Variants in FBXO10 observed in about 807,000 individuals in gnomAD.
FBXO10 encodes F-box protein 10, also known as F-box only protein 10.
Under a neutral mutation model 80.7 loss-of-function variants are expected in FBXO10, and 39 were observed. The observed-to-expected ratio is 0.48, with a 90% CI of 0.37 to 0.63. The LOEUF (loss-of-function observed/expected upper bound fraction) is 0.63. Ranked by LOEUF, FBXO10 falls within the 30% of genes least tolerant of loss-of-function variation. FBXO10 has a pLI of 0.00. For missense variants in FBXO10, 1,025 were observed against 1,269.0 expected (o/e 0.81, Z 2.92); for synonymous variants, 449 against 489.6 (o/e 0.92, Z 1.09).
At chr9:37,518,996 G>A (rs545802934) in intron 8 of FBXO10, among the ~76,000 whole-genome samples, 5 of 150,230 alleles carry the variant, frequency 3.3e-5, no homozygotes, top group African/African-American at 7.4e-5. Context: ...TACAAGCTCC[G>A]CCTCCCGGGT....
At position 37,518,075 on chromosome 9, in the gene FBXO10, G is replaced by A. The variant is rs745869979; in HGVS notation, c.2514+50C>T. The A allele has an allele frequency of 1.9e-6, 3 of 1,555,132 alleles. No individual in the cohort carries two copies. In the South Asian group the frequency reaches 3.7e-5, roughly 19 times the overall value. On this transcript the variant is annotated intron_variant, in intron 9 of 10. Coordinates refer to ENST00000432825, the MANE Select transcript of FBXO10 (RefSeq NM_012166.3). Reference sequence around the variant, plus strand: ...CAGAGGCCACGAGGACTATCCCAGGGTTGTGCCCTGTGTGGGCACCACACG... The same window carrying A: ...CAGAGGCCACGAGGACTATCCCAGGATTGTGCCCTGTGTGGGCACCACACG...
chr9:37,537,788 T>C lies in FBXO10; in HGVS notation c.741A>G (p.Glu247=), dbSNP rs374666804. Residue 247 remains glutamate (E), a synonymous_variant, in exon 3 of 11, where the codon GAA becomes GAG. Coordinates refer to ENST00000432825, the MANE Select transcript of FBXO10 (RefSeq NM_012166.3). The part of the protein sequence containing the change: ...NVPLCVLENC[E]FVGSENNSVT... ...CAGAGTTGTTTTCACTGCCCACAAATTCACAGTTTTCCAGGACACACAGGG... is the reference window on the plus strand; with the variant it reads ...CAGAGTTGTTTTCACTGCCCACAAACTCACAGTTTTCCAGGACACACAGGG... 1 of 1,613,838 alleles carries C rather than the reference T, an allele frequency of 6.2e-7. No homozygotes were observed. Among genetic ancestry groups the C allele is most frequent in the African/African-American group, 1.3e-5 (1 of 74,922 alleles).
rs371477993 is a variant in FBXO10, at chr9:37,545,911, C to T, written c.-6-4137G>A. Among the ~76,000 whole-genome samples, 396 of 152,182 alleles carry T rather than the reference C, an allele frequency of 2.6e-3. 4 individuals carry two copies. Among genetic ancestry groups the T allele is most frequent in the African/African-American group, 8.8e-3 (367 of 41,530 alleles). ...CCTGTAATCCCAGCACTTTGGGAGGCGGAGGTGGGTGGATCACTTGAAGTC... is the reference window on the plus strand; with the variant it reads ...CCTGTAATCCCAGCACTTTGGGAGGTGGAGGTGGGTGGATCACTTGAAGTC... On this transcript the variant is annotated intron_variant, in intron 1 of 10. Transcript: ENST00000432825.
chr9:37,522,380 T>C, intron 7 of FBXO10: 1 of 1,006,634 alleles, frequency 9.9e-7, no homozygotes, highest in Non-Finnish European at 1.2e-6. Context: ...ATCACTGTAT[T>C]ATTAGAGATA....
Position 37,516,098 on chromosome 9 carries a change from G to T in FBXO10, c.2515-13C>A, listed in dbSNP as rs925332654. On this transcript the variant is annotated splice_polypyrimidine_tract_variant and intron_variant, in intron 9 of 10. Coordinates refer to ENST00000432825, the MANE Select transcript of FBXO10 (RefSeq NM_012166.3). Reference sequence around the variant, plus strand: ...GGTTCTTTATTACCTGGGAGAGGCAGCCAGAGATTGTCACACCTCAGGGAT... The same window carrying T: ...GGTTCTTTATTACCTGGGAGAGGCATCCAGAGATTGTCACACCTCAGGGAT... 8.7e-6 allele frequency: 14 copies of T among 1,607,052 alleles called. No individual in the cohort carries two copies. The African/African-American group carries it at 1.9e-4, about 22-fold the overall frequency.
chr9:37,555,042 C>T (rs1254432037), intron 1 of FBXO10, among the ~76,000 whole-genome samples: 1 of 152,122 alleles, frequency 6.6e-6, no homozygotes, highest in Non-Finnish European at 1.5e-5. Context: ...AGTTGCTCCA[C>T]ATTTGTTGTG....
intron 1 of FBXO10, among the ~76,000 whole-genome samples, chr9:37,546,347 A>G (rs1822055041): frequency 6.6e-6 from 1 of 151,614 alleles, no homozygotes; most frequent in African/African-American, 2.4e-5. Flanking sequence ...ACCAGAATAA[A>G]GTGAATAGCA....
At chr9:37,560,631 TTTTTA>T (rs10701235) in intron 1 of FBXO10, among the ~76,000 whole-genome samples, 138 of 151,094 alleles carry the variant, frequency 9.1e-4, no homozygotes, top group Admixed American at 3.7e-3. Flanking sequence ...AAGGTAACAC[TTTTTA>T]TTTTATTTTT....
chr9:37,569,395 C>A (rs77799051), intron 1 of FBXO10, among the ~76,000 whole-genome samples: 188 of 122,870 alleles, frequency 1.5e-3, no homozygotes, highest in Non-Finnish European at 1.8e-3. Context: ...AGATATAAAG[C>A]AAAAAAAAAA....
intron 1 of FBXO10, among the ~76,000 whole-genome samples, chr9:37,557,012 C>A (rs1255718106): frequency 6.6e-6 from 1 of 152,124 alleles, no homozygotes; most frequent in African/African-American, 2.4e-5. Flanking sequence ...GGTGTTGACT[C>A]CTTTCTCTAT....
At chr9:37,564,906 G>C (rs936980552) in intron 1 of FBXO10, among the ~76,000 whole-genome samples, 8 of 152,210 alleles carry the variant, frequency 5.3e-5, no homozygotes, top group Admixed American at 3.9e-4. Context: ...ACAGTGTTTT[G>C]AAATATGAAG....
At chr9:37,531,005 G>A (rs918234684) in intron 4 of FBXO10, among the ~76,000 whole-genome samples, 1 of 152,170 alleles carries the variant, frequency 6.6e-6, no homozygotes, top group Admixed American at 6.5e-5. Context: ...GAGTCAGACT[G>A]CCTGGATTCA....
intron 3 of FBXO10, among the ~76,000 whole-genome samples, chr9:37,534,634 G>A (rs1821711066): frequency 6.6e-6 from 1 of 152,198 alleles, no homozygotes. Context: ...AGCTGCACCT[G>A]TTCACTTCTC....
At position 37,537,915 on chromosome 9, in the gene FBXO10, T is replaced by C. The variant is rs542498022; in HGVS notation, c.614A>G (p.Asn205Ser). 5.6e-6 allele frequency: 9 copies of C among 1,613,934 alleles called. No individual in the cohort carries two copies. In the African/African-American group the frequency reaches 8.0e-5, roughly 14 times the overall value. The change falls in exon 3 of 11, where the codon AAC becomes AGC. Residue 205 changes from asparagine to serine, a missense_variant. Around this residue, in one of 3 missense-constraint regions of FBXO10, gnomAD observed 450 missense variants for 499.4 expected, o/e 0.90. Transcript: ENST00000432825. ...KTTSGHVQFD[N>S]CNFENGHIQV... ...GATGTGCCCGTTCTCAAAGTTGCAG[T>C]TGTCAAACTGGACGTGACCTGATGT...
rs893713473 is a variant in FBXO10 at position 37,512,124 on chromosome 9, G to T, written c.*423C>A. The stretch of plus-strand genomic sequence containing the variant: ...GAGAGGGAGACAGCTCTAGCAAAGG[G>T]GAAAATTCTGGAGCAGTTGTCTCTC... On this transcript the variant is annotated 3_prime_UTR_variant, in exon 11 of 11. Coordinates refer to ENST00000432825, the MANE Select transcript of FBXO10 (RefSeq NM_012166.3). The T allele has an allele frequency of 6.5e-6, 1 of 153,730 alleles. No individual in the cohort carries two copies. The highest frequency in any genetic ancestry group is 2.4e-5 in the African/African-American group (1 of 41,488). 9.5% of individuals were successfully genotyped at this position (153,730 alleles called of 1,614,324 possible). A position where few individuals can be genotyped will look rare whatever the true frequency, so the allele number is the denominator to read the frequency against.
chr9:37,547,773 T>C (rs1261204749), intron 1 of FBXO10, among the ~76,000 whole-genome samples: 1 of 151,986 alleles, frequency 6.6e-6, no homozygotes, highest in African/African-American at 2.4e-5. Flanking sequence ...CTGGACAACA[T>C]AGCAAGACCC....
intron 1 of FBXO10, among the ~76,000 whole-genome samples, chr9:37,559,796 G>A (rs1380986573): frequency 6.6e-6 from 1 of 152,156 alleles, no homozygotes; most frequent in African/African-American, 2.4e-5. Context: ...GGTTACTCTA[G>A]GAACCTGGAT....
At chr9:37,556,578 C>G (rs1402561536) in intron 1 of FBXO10, among the ~76,000 whole-genome samples, 2 of 105,364 alleles carry the variant, frequency 1.9e-5, no homozygotes, top group South Asian at 3.3e-4. Flanking sequence ...GAGTCTCTCT[C>G]TTTTGCCCAG....
chr9:37,550,583 C>T (rs556723938), intron 1 of FBXO10, among the ~76,000 whole-genome samples: 4 of 151,402 alleles, frequency 2.6e-5, no homozygotes, highest in East Asian at 2.0e-4. Flanking sequence ...CAGGTTCAAG[C>T]GATTCTCTGC....
Sources: gnomAD v4.1 joint callset for allele counts (sites outside exome capture counted in the v4.1 genomes callset) on GRCh38, gnomAD v4.1.1 for gene constraint, gnomAD v4.1.1 regional missense constraint, MANE v1.5 for transcripts, NCBI Gene and HGNC (gene_info 2026-07-23, HGNC 2026-07-21) for gene names.